The following ACAN variants were observed in gnomAD, a reference collection of about 807,000 sequenced individuals.
The protein encoded by ACAN is aggrecan core protein.
A neutral mutation model predicts 169.1 loss-of-function variants in ACAN; 47 were observed. That is an observed-to-expected ratio of 0.28 (90% confidence interval 0.22 to 0.35). The LOEUF is 0.35. ACAN is among the 10% of genes least tolerant of loss of function. ACAN has a pLI of 1.00. For missense variants in ACAN, 2,716 were observed against 2,759.9 expected, an observed-to-expected ratio of 0.98 and a Z score of 0.36; for synonymous variants, 1,115 against 1,112.2, an observed-to-expected ratio of 1.00 and a Z score of -0.05.
chr15:88,873,563 T>A lies in ACAN; in HGVS notation c.7448-279T>A, dbSNP rs1431625822. 5 of 481,572 alleles carry A rather than the reference T, an allele frequency of 1.0e-5. No individual in the cohort carries two copies. Among genetic ancestry groups the A allele is most frequent in the African/African-American group, 9.6e-5 (5 of 51,952 alleles). 29.8% of individuals were successfully genotyped at this position (481,572 alleles called of 1,614,324 possible). A position where few individuals can be genotyped will look rare whatever the true frequency, so the allele number is the denominator to read the frequency against. ...ATGTTTTCATCAAGAAGCCTGAGTCTGCCTGGCTCTCGCCCTCCACACCTT... is the reference window on the plus strand; with the variant it reads ...ATGTTTTCATCAAGAAGCCTGAGTCAGCCTGGCTCTCGCCCTCCACACCTT... On this transcript the variant is annotated intron_variant, in intron 17 of 18. Transcript: ENST00000560601. The surrounding 1 kb of genome is among the most constrained non-coding windows in gnomAD (Gnocchi z 7.5).
Position 88,845,877 on chromosome 15 carries a change from C to A in ACAN, c.1424C>A (p.Pro475Gln). The change falls in exon 7 of 19, where the codon CCA (proline) becomes CAA (glutamine). Residue 475 changes from proline (P) to glutamine (Q), a missense_variant. By Grantham distance (76) the Pro-to-Gln change is moderately conservative. This residue lies in a region of ACAN where 1,283 missense variants were observed against 1,281.5 expected (regional missense o/e 1.00). Coordinates refer to ENST00000560601, the MANE Select transcript of ACAN (RefSeq NM_001369268.1). ...GCTGTCCCTGGGCAGCCGCATTTGC[C>A]AGGGGGTAAGTAGCTGCCCGTGGGT... ...VTAVPGQPHL[P>Q]GGVVFHYRPG... 1 of 1,452,820 alleles carries A rather than the reference C, an allele frequency of 6.9e-7. No homozygotes were observed. The highest frequency in any genetic ancestry group is 1.4e-5 in the African/African-American group (1 of 70,102). The allele number at this position is 1,452,820 out of a possible 1,614,324, so 90.0% of individuals were successfully genotyped here.
rs1031263493 is a variant in ACAN at position 88,814,517 on chromosome 15, G to C, written c.-8+10708G>C. 6.6e-6 allele frequency among the ~76,000 whole-genome samples: 1 copy of C among 152,222 alleles called. No individual in the cohort carries two copies. Among genetic ancestry groups the C allele is most frequent in the Non-Finnish European group, 1.5e-5 (1 of 68,044 alleles). On this transcript the variant is annotated intron_variant, in intron 1 of 18. Transcript: ENST00000560601. This position sits in a 1 kb window ranked among gnomAD's most constrained non-coding sequence, Gnocchi z 4.0. ...CCACCCTGCAGCTAGCTGAGGGACA[G>C]GACAGATGACGAAAGCCAGGGCTGG...
In ACAN at chr15:88,855,005, C is replaced by G. The variant is rs866839613; in HGVS notation, c.2420C>G (p.Pro807Arg). 6 of 1,595,824 alleles carry G rather than the reference C, an allele frequency of 3.8e-6. No individual in the cohort carries two copies. Among genetic ancestry groups the G allele is most frequent in the East Asian group, 2.2e-5 (1 of 44,486 alleles). ...CCATCCCCCTCAGAGGAACCATTCC[C>G]CTCAGTGAGGCCATTCCCCTCAGTG... Reference protein sequence around the residue: ...EEPSPSEEPFPSVRPFPSVEL... With the variant: ...EEPSPSEEPFRSVRPFPSVEL... The change falls in exon 12 of 19, where the codon CCC becomes CGC. Residue 807 changes from proline to arginine, a missense_variant. By Grantham distance (103) the Pro-to-Arg change is moderately radical. Transcript: ENST00000560601.
chr15:88,804,834 G>C (rs965318529), intron 1 of ACAN, among the ~76,000 whole-genome samples: 3 of 152,200 alleles, frequency 2.0e-5, no homozygotes, highest in Non-Finnish European at 2.9e-5. Context: ...TGACTGATGT[G>C]TAAATTCTGG....
chr15:88,838,629 C>T lies in ACAN; in HGVS notation c.71-34C>T. 1 of 1,548,418 alleles carries T rather than the reference C, an allele frequency of 6.5e-7. No individual in the cohort carries two copies. The highest frequency in any genetic ancestry group is 1.3e-5 in the South Asian group (1 of 79,718). On this transcript the variant is annotated intron_variant, in intron 2 of 18. Transcript: ENST00000560601. The surrounding 1 kb of genome is among the most constrained non-coding windows in gnomAD (Gnocchi z 5.1). ...CGGGGTGGTCCTCTCTAGGCACTAA[C>T]AGGTCTCTCTTCTACCCCACCTCTC...
chr15:88,868,772 T>C lies in ACAN; in HGVS notation c.7060+443T>C, dbSNP rs1897321459. On this transcript the variant is annotated intron_variant, in intron 14 of 18. Transcript: ENST00000560601. This position sits in a 1 kb window ranked among gnomAD's most constrained non-coding sequence, Gnocchi z 5.2. Reference sequence around the variant, plus strand: ...TGGCCCTGGGAGCCACTGTGCCACATTGGCCAAGCTGCCTTTCTCTTCTCC... The same window carrying C: ...TGGCCCTGGGAGCCACTGTGCCACACTGGCCAAGCTGCCTTTCTCTTCTCC... Among the ~76,000 whole-genome samples the C allele has an allele frequency of 6.6e-6, 1 of 152,174 alleles. No homozygotes were observed. The highest frequency in any genetic ancestry group is 1.5e-5 in the Non-Finnish European group (1 of 68,026).
chr15:88,857,308 G>T lies in ACAN; in HGVS notation c.4723G>T (p.Gly1575Cys). 6.2e-7 allele frequency: 1 copy of T among 1,613,966 alleles called. No homozygotes were observed. Among genetic ancestry groups the T allele is most frequent in the Admixed American group, 1.7e-5 (1 of 60,018 alleles). Residue 1575 changes from glycine to cysteine, a missense_variant, in exon 12 of 19, where the codon GGT becomes TGT. Physicochemically the swap from Gly to Cys is radical, Grantham distance 159. This residue lies in a region of ACAN where 1,389 missense variants were observed against 1,363.7 expected (regional missense o/e 1.02). Transcript: ENST00000560601. Reference protein sequence around the residue: ...DLSGLPSGREGLETSASGAED... With the variant: ...DLSGLPSGRECLETSASGAED... Reference sequence around the variant, plus strand: ...CAGTGGGCTTCCTTCTGGAAGGGAGGGTCTAGAGACTTCAGCTTCTGGAGC... The same window carrying T: ...CAGTGGGCTTCCTTCTGGAAGGGAGTGTCTAGAGACTTCAGCTTCTGGAGC...
rs1897308397 is a variant in ACAN at position 88,868,056 on chromosome 15, G to A, written c.6947-160G>A. Among the ~76,000 whole-genome samples the A allele has an allele frequency of 6.6e-6, 1 of 152,028 alleles. No homozygotes were observed. Among genetic ancestry groups the A allele is most frequent in the Admixed American group, 6.6e-5 (1 of 15,250 alleles). ...TTTGCTTCAGCACTCCAAGATGGCA[G>A]CAGCAGCAGCAGCAGCAGCAACAGT... On this transcript the variant is annotated intron_variant, in intron 13 of 18. Transcript: ENST00000560601. This position sits in a 1 kb window ranked among gnomAD's most constrained non-coding sequence, Gnocchi z 5.2.
chr15:88,821,109 C>G (rs565855995), intron 1 of ACAN, among the ~76,000 whole-genome samples: 1 of 152,258 alleles, frequency 6.6e-6, no homozygotes, highest in South Asian at 2.1e-4. Flanking sequence ...CGATTACCTC[C>G]CACTGGGTCC....
chr15:88,821,318 C>G (rs1448100185), intron 1 of ACAN, among the ~76,000 whole-genome samples: 2 of 151,936 alleles, frequency 1.3e-5, no homozygotes, highest in Non-Finnish European at 2.9e-5. Flanking sequence ...GTTGTAGAGA[C>G]AGGGGGAAGG....
chr15:88,856,974 G>A lies in ACAN; in HGVS notation c.4389G>A (p.Ala1463=), dbSNP rs373448175. The change falls in exon 12 of 19, where the codon GCG becomes GCA. Residue 1463 remains alanine (A), a synonymous_variant. Transcript: ENST00000560601. The part of the protein sequence containing the change: ...SGEVLETSTS[A]VGDLSGLPSG... ...AAGTTCTAGAGACTTCTACCTCTGC[G>A]GTAGGGGACCTCAGTGGACTTCCTT... The A allele has an allele frequency of 4.5e-5, 73 of 1,610,530 alleles. No homozygotes were observed. Among genetic ancestry groups the A allele is most frequent in the East Asian group, 2.2e-4 (10 of 44,584 alleles).
chr15:88,874,543 C>G lies in ACAN; in HGVS notation c.*62C>G, dbSNP rs1275157621. On this transcript the variant is annotated 3_prime_UTR_variant, in exon 19 of 19. Coordinates refer to ENST00000560601, the MANE Select transcript of ACAN (RefSeq NM_001369268.1). The surrounding 1 kb of genome is among the most constrained non-coding windows in gnomAD (Gnocchi z 7.3). ...AGGAGCCTGCCAGGCTGACGTGCAT[C>G]CCACCCAGACGGTGTCCTCTTCTTG... The G allele has an allele frequency of 7.1e-7, 1 of 1,407,606 alleles. No individual in the cohort carries two copies. Among genetic ancestry groups the G allele is most frequent in the Non-Finnish European group, 9.9e-7 (1 of 1,013,978 alleles). 87.2% of individuals were successfully genotyped at this position (1,407,606 alleles called of 1,614,324 possible).
chr15:88,845,616 T>G lies in ACAN; in HGVS notation c.1163T>G (p.Ile388Ser). The change falls in exon 7 of 19, where the codon ATC becomes AGC. Residue 388 changes from isoleucine (I) to serine (S), a missense_variant. Around this residue, in one of 3 missense-constraint regions of ACAN, gnomAD observed 1,283 missense variants for 1,281.5 expected, o/e 1.00. Transcript: ENST00000560601. ...PDMELPLPRN[I>S]TEGEARGSVI... ...ATGGAGCTGCCACTGCCTCGAAACA[T>G]CACTGAGGGTGAAGCCCGAGGCAGC... 6.2e-7 allele frequency: 1 copy of G among 1,614,010 alleles called. No homozygotes were observed. Among genetic ancestry groups the G allele is most frequent in the Non-Finnish European group, 8.5e-7 (1 of 1,179,896 alleles).
rs181081318 is a variant in ACAN at position 88,837,726 on chromosome 15, A to T, written c.71-937A>T. ...AGGGGCCAGTGGGACTGCCCAGGAC[A>T]TCAGAAGGTTAAGGCCTGGACTCTA... On this transcript the variant is annotated intron_variant, in intron 2 of 18. Transcript: ENST00000560601. Among the ~76,000 whole-genome samples, 68 of 152,314 alleles carry T rather than the reference A, an allele frequency of 4.5e-4. 1 individual carries two copies. In the East Asian group the frequency reaches 0.011, roughly 24 times the overall value.
chr15:88,850,155 A>G (rs1896899520), intron 10 of ACAN: 1 of 432,798 alleles, frequency 2.3e-6, no homozygotes, highest in Non-Finnish European at 4.1e-6. Flanking sequence ...TTTATTTCAT[A>G]TACATATCTA....
intron 1 of ACAN, among the ~76,000 whole-genome samples, chr15:88,815,600 TAA>T (rs200368857): frequency 1.2e-4 from 10 of 84,052 alleles, no homozygotes; most frequent in South Asian, 3.8e-4. Flanking sequence ...AGAAAGGTCT[TAA>T]AAAAAAAAAA....
At chr15:88,850,055 A>G (rs1178961036) in intron 10 of ACAN, 1 of 591,586 alleles carries the variant, frequency 1.7e-6, no homozygotes, top group East Asian at 2.8e-5. Context: ...AATGGTTCCT[A>G]CTTCAGAGAG....
chr15:88,805,923 G>A (rs369082766), intron 1 of ACAN, among the ~76,000 whole-genome samples: 2 of 152,206 alleles, frequency 1.3e-5, no homozygotes, highest in East Asian at 3.9e-4. Flanking sequence ...GCATGCCAAG[G>A]CAGAGCGTTC....
rs1288468165 is a variant in ACAN, at chr15:88,839,570, G to A, written c.455-442G>A. Among the ~76,000 whole-genome samples the A allele has an allele frequency of 6.6e-6, 1 of 152,222 alleles. No individual in the cohort carries two copies. Among genetic ancestry groups the A allele is most frequent in the Non-Finnish European group, 1.5e-5 (1 of 68,032 alleles). On this transcript the variant is annotated intron_variant, in intron 3 of 18. Transcript: ENST00000560601. The surrounding 1 kb of genome is among the most constrained non-coding windows in gnomAD (Gnocchi z 4.5). Reference sequence around the variant, plus strand: ...GGTCAACACCAGATTTTTCCCAGGGGGAGGTACAGTGGGAGACTCTGTCAA... The same window carrying A: ...GGTCAACACCAGATTTTTCCCAGGGAGAGGTACAGTGGGAGACTCTGTCAA...
Sources: gnomAD v4.1 joint callset for allele counts (sites outside exome capture counted in the v4.1 genomes callset) on GRCh38, gnomAD v4.1.1 for gene constraint, gnomAD v4.1.1 regional missense constraint, Gnocchi (gnomAD v3.1) non-coding constraint, MANE v1.5 for transcripts, NCBI Gene and HGNC (gene_info 2026-07-23, HGNC 2026-07-21) for gene names.